Variants in LRRC4C observed in about 807,000 individuals in gnomAD.
The protein encoded by LRRC4C is leucine rich repeat containing 4C.
Under a neutral mutation model 33.6 loss-of-function variants are expected in LRRC4C, and 5 were observed. The observed-to-expected ratio is 0.15, with a 90% CI of 0.08 to 0.31. The LOEUF (loss-of-function observed/expected upper bound fraction) is 0.31, where lower values mean the gene tolerates loss of function less well. Among genes scored for constraint, LRRC4C ranks in the 10% least tolerant of loss-of-function variants. The pLI is 1.00. For missense variants in LRRC4C, 560 were observed against 796.7 expected, an observed-to-expected ratio of 0.70 and a Z score of 3.58; for synonymous variants, 329 against 302.0, an observed-to-expected ratio of 1.09 and a Z score of -0.93.
chr11:41,000,897 T>G (rs1854324234), intron 1 of LRRC4C, among the ~76,000 whole-genome samples: 1 of 152,148 alleles, frequency 6.6e-6, no homozygotes, highest in African/African-American at 2.4e-5. Flanking sequence ...TTTGGAATTT[T>G]GAAAAAATAG....
chr11:40,948,399 T>G lies in LRRC4C; in HGVS notation c.-495-14676A>C, dbSNP rs902840866. On this transcript the variant is annotated intron_variant, in intron 1 of 6. Coordinates refer to ENST00000528697, the MANE Select transcript of LRRC4C (RefSeq NM_001258419.2). The stretch of plus-strand genomic sequence containing the variant: ...TTTATTATTATACTTTAAGTTTTAG[T>G]GTACATGTGCACAATGTGCAGGTTA... Among the ~76,000 whole-genome samples, 8 of 151,854 alleles carry G rather than the reference T, an allele frequency of 5.3e-5. No homozygotes were observed. In the South Asian group the frequency reaches 6.3e-4, roughly 12 times the overall value.
rs575410049 is a variant in LRRC4C at position 40,193,117 on chromosome 11, G to A, written c.-96+48402C>T. On this transcript the variant is annotated intron_variant, in intron 5 of 6. Coordinates refer to ENST00000528697, the MANE Select transcript of LRRC4C (RefSeq NM_001258419.2). ...CTCGAGCTCTGCTAAGGGTCAGGCT[G>A]CCTCCTAAAGTGGGTTCCTGACCCC... 1.4e-4 allele frequency among the ~76,000 whole-genome samples: 21 copies of A among 152,282 alleles called. 1 individual carries two copies. The highest frequency in any genetic ancestry group is 3.4e-3 in the Middle Eastern group (1 of 294).
rs112306561 is a variant in LRRC4C, at chr11:40,968,795, A to T, written c.-495-35072T>A. On this transcript the variant is annotated intron_variant, in intron 1 of 6. Coordinates refer to ENST00000528697, the MANE Select transcript of LRRC4C (RefSeq NM_001258419.2). The stretch of plus-strand genomic sequence containing the variant: ...GAATCCCTTCAAAATATTACTTTTC[A>T]TTGACAGTGCACCTATTCACCCAAA... Among the ~76,000 whole-genome samples, 100 of 152,278 alleles carry T rather than the reference A, an allele frequency of 6.6e-4. 1 individual carries two copies. Among genetic ancestry groups the T allele is most frequent in the African/African-American group, 2.3e-3 (95 of 41,560 alleles).
chr11:40,514,334 T>A (rs955719423), intron 3 of LRRC4C, among the ~76,000 whole-genome samples: 1 of 152,228 alleles, frequency 6.6e-6, no homozygotes, highest in African/African-American at 2.4e-5. Flanking sequence ...GGTAAAGTGA[T>A]GTTGTTTGGA....
At chr11:40,275,702 G>A (rs1224785134) in intron 4 of LRRC4C, among the ~76,000 whole-genome samples, 1 of 152,090 alleles carries the variant, frequency 6.6e-6, no homozygotes, top group East Asian at 1.9e-4. Context: ...GGCCCCAAGT[G>A]GAGTCTATGG....
chr11:40,958,285 C>T (rs1480099758), intron 1 of LRRC4C, among the ~76,000 whole-genome samples: 1 of 151,720 alleles, frequency 6.6e-6, no homozygotes, highest in Non-Finnish European at 1.5e-5. Context: ...TATGCTCTCA[C>T]TTTTTTCAAC....
intron 3 of LRRC4C, among the ~76,000 whole-genome samples, chr11:40,342,305 T>TA (rs1161228312): frequency 6.6e-6 from 1 of 151,996 alleles, no homozygotes; most frequent in Non-Finnish European, 1.5e-5. Flanking sequence ...CCATTTCTAC[T>TA]AAAAATACAA....
intron 2 of LRRC4C, among the ~76,000 whole-genome samples, chr11:40,803,569 T>C (rs1416309871): frequency 6.6e-6 from 1 of 152,054 alleles, no homozygotes; most frequent in Non-Finnish European, 1.5e-5. Flanking sequence ...TTAAAAATTG[T>C]CTATATGGTC....
chr11:40,812,958 G>T (rs985057426), intron 2 of LRRC4C, among the ~76,000 whole-genome samples: 2 of 152,128 alleles, frequency 1.3e-5, no homozygotes, highest in East Asian at 3.9e-4. Flanking sequence ...AAAAATACAT[G>T]ATGATATACA....
chr11:41,000,751 T>C (rs1432406356), intron 1 of LRRC4C, among the ~76,000 whole-genome samples: 1 of 152,176 alleles, frequency 6.6e-6, no homozygotes, highest in Non-Finnish European at 1.5e-5. Context: ...GCATTTGAGA[T>C]TGTAATGAAT....
chr11:41,073,754 A>C (rs1938894339), intron 1 of LRRC4C, among the ~76,000 whole-genome samples: 1 of 152,198 alleles, frequency 6.6e-6, no homozygotes. Context: ...TGTCTTGTAG[A>C]TCTTTAAGTA....
At chr11:40,758,623 G>A (rs1222931395) in intron 2 of LRRC4C, among the ~76,000 whole-genome samples, 1 of 151,994 alleles carries the variant, frequency 6.6e-6, no homozygotes, top group East Asian at 1.9e-4. Context: ...GACCTTGGAT[G>A]AAAAGTTTTA....
intron 1 of LRRC4C, among the ~76,000 whole-genome samples, chr11:41,108,568 A>C (rs1941647838): frequency 6.6e-6 from 1 of 152,152 alleles, no homozygotes; most frequent in African/African-American, 2.4e-5. Context: ...CAAATTCATT[A>C]GGATATCTAC....
At chr11:41,449,867 C>A (rs1206719799) in intron 1 of LRRC4C, among the ~76,000 whole-genome samples, 1 of 151,950 alleles carries the variant, frequency 6.6e-6, no homozygotes, top group East Asian at 1.9e-4. Context: ...TTTCCTGGAC[C>A]CTTATCTTGG....
chr11:40,605,198 T>TG (rs201277613), intron 3 of LRRC4C, among the ~76,000 whole-genome samples: 3,063 of 151,734 alleles, frequency 0.02, 48 homozygotes, highest in South Asian at 0.037. Context: ...GCAAGGGAGG[T>TG]GGGGGACAAA....
Position 40,444,996 on chromosome 11 carries a change from A to G in LRRC4C, c.-269-125275T>C, listed in dbSNP as rs1005566294. On this transcript the variant is annotated intron_variant, in intron 3 of 6. Transcript: ENST00000528697. ...CTTTCTTAAATCTTAGTGATCAGTTACCACTAGTGGCTCCCAAGGTCAACT... is the reference window on the plus strand; with the variant it reads ...CTTTCTTAAATCTTAGTGATCAGTTGCCACTAGTGGCTCCCAAGGTCAACT... Among the ~76,000 whole-genome samples the G allele has an allele frequency of 1.4e-4, 22 of 152,324 alleles. No homozygotes were observed. The South Asian group carries it at 3.5e-3, about 24-fold the overall frequency.
chr11:41,088,645 CAA>C (rs1565372277), intron 1 of LRRC4C, among the ~76,000 whole-genome samples: 1 of 151,960 alleles, frequency 6.6e-6, no homozygotes, highest in Non-Finnish European at 1.5e-5. Flanking sequence ...AGGAGAAAAG[CAA>C]AAGTTTAAAA....
chr11:40,213,126 C>T (rs1004543457), intron 5 of LRRC4C, among the ~76,000 whole-genome samples: 2 of 152,042 alleles, frequency 1.3e-5, no homozygotes, highest in East Asian at 1.9e-4. Flanking sequence ...TGACCCATTT[C>T]GCAGAATGCA....
chr11:40,516,183 T>C (rs1955553253), intron 3 of LRRC4C, among the ~76,000 whole-genome samples: 2 of 152,080 alleles, frequency 1.3e-5, no homozygotes, highest in African/African-American at 2.4e-5. Flanking sequence ...TTAACTTCCA[T>C]TGGTATGACA....
Sources: gnomAD v4.1 joint callset for allele counts (sites outside exome capture counted in the v4.1 genomes callset) on GRCh38, gnomAD v4.1.1 for gene constraint, MANE v1.5 for transcripts, NCBI Gene and HGNC (gene_info 2026-07-23, HGNC 2026-07-21) for gene names.